The following CDK8 variants were observed in gnomAD, a reference collection of about 807,000 sequenced individuals.
CDK8 encodes the protein cyclin dependent kinase 8, also known as cyclin-dependent kinase 8.
Under a neutral mutation model 71.5 loss-of-function variants are expected in CDK8, and 29 were observed. The observed-to-expected ratio is 0.41, with a 90% CI of 0.30 to 0.55. The LOEUF (loss-of-function observed/expected upper bound fraction) is 0.55. Among genes scored for constraint, CDK8 ranks in the 20% least tolerant of loss-of-function variants. The probability of loss-of-function intolerance (pLI) is 0.37; values close to 1 mark genes in which losing one functional copy is unlikely to be tolerated. For missense variants in CDK8, 288 were observed against 572.6 expected (o/e 0.50, Z 5.07); for synonymous variants, 161 against 192.1 (o/e 0.84, Z 1.34).
chr13:26,281,634 CAAG>C (rs10549437), intron 1 of CDK8, among the ~76,000 whole-genome samples: 16,000 of 130,042 alleles, frequency 0.12, 2,475 homozygotes, highest in African/African-American at 0.4. Context: ...GGGTCCAAAT[CAAG>C]AAGAAGTCTC....
intron 8 of CDK8, among the ~76,000 whole-genome samples, chr13:26,396,804 C>T (rs1876016398): frequency 6.6e-6 from 1 of 151,816 alleles, no homozygotes; most frequent in Admixed American, 6.6e-5. Flanking sequence ...GTTTGTATAC[C>T]TATGACAAAA....
chr13:26,324,120 T>C (rs1455723876), intron 1 of CDK8, among the ~76,000 whole-genome samples: 1 of 152,154 alleles, frequency 6.6e-6, no homozygotes, highest in Non-Finnish European at 1.5e-5. Flanking sequence ...TGATACAGAG[T>C]GCAAGAGTGA....
At chr13:26,370,656 G>A (rs1411011530) in intron 4 of CDK8, among the ~76,000 whole-genome samples, 3 of 152,124 alleles carry the variant, frequency 2.0e-5, no homozygotes, top group Non-Finnish European at 4.4e-5. Flanking sequence ...GATTAAAACA[G>A]GACAAATGCA....
chr13:26,371,921 A>C (rs1970931), intron 4 of CDK8, among the ~76,000 whole-genome samples: 144,027 of 152,190 alleles, frequency 0.95, 68,195 homozygotes, highest in East Asian at 1. Flanking sequence ...CCTGGCCATA[A>C]CTTGACATTT....
At chr13:26,280,213 A>G (rs1872688659) in intron 1 of CDK8, among the ~76,000 whole-genome samples, 1 of 152,270 alleles carries the variant, frequency 6.6e-6, no homozygotes, top group Non-Finnish European at 1.5e-5. Context: ...GGGCTATTTT[A>G]TAAATGGTGG....
chr13:26,369,012 G>T (rs767504073), intron 4 of CDK8, among the ~76,000 whole-genome samples: 1 of 151,904 alleles, frequency 6.6e-6, no homozygotes, highest in Non-Finnish European at 1.5e-5. Context: ...AGTAAGTTTG[G>T]TCAGTAATCT....
In CDK8 at chr13:26,405,058, C is replaced by A. The variant is rs1566002949; in HGVS notation, c.*977C>A. On this transcript the variant is annotated 3_prime_UTR_variant, in exon 13 of 13. Coordinates refer to ENST00000381527, the MANE Select transcript of CDK8 (RefSeq NM_001260.3). ...TCGCACGTTGTTTAGGGTGCCCTTA[C>A]TTCAGCAAAGGAGAAGGAGTAGGAG... The A allele has an allele frequency of 5.4e-6, 1 of 183,564 alleles. No homozygotes were observed. Among genetic ancestry groups the A allele is most frequent in the Non-Finnish European group, 1.2e-5 (1 of 86,524 alleles). 11.4% of individuals were successfully genotyped at this position (183,564 alleles called of 1,614,324 possible).
At chr13:26,283,021 T>C (rs1174915459) in intron 1 of CDK8, among the ~76,000 whole-genome samples, 1 of 152,192 alleles carries the variant, frequency 6.6e-6, no homozygotes, top group Non-Finnish European at 1.5e-5. Context: ...GTCCTAAATA[T>C]ATATGGACCT....
At chr13:26,394,789 A>G (rs558550742) in intron 7 of CDK8, among the ~76,000 whole-genome samples, 2 of 152,340 alleles carry the variant, frequency 1.3e-5, no homozygotes, top group African/African-American at 4.8e-5. Context: ...ATGAGAATCC[A>G]TCAGTTCTTG....
intron 1 of CDK8, among the ~76,000 whole-genome samples, chr13:26,325,496 C>T (rs9578996): frequency 6.6e-6 from 1 of 152,072 alleles, no homozygotes; most frequent in Admixed American, 6.5e-5. Context: ...AACTTATTAG[C>T]CTGCTCTAGC....
At chr13:26,314,321 A>T (rs147816287) in intron 1 of CDK8, among the ~76,000 whole-genome samples, 176 of 152,352 alleles carry the variant, frequency 1.2e-3, no homozygotes, top group African/African-American at 4.0e-3. Context: ...GTTACTAAGA[A>T]CATTTCTAAG....
rs115271175 is a variant in CDK8 at position 26,385,780 on chromosome 13, C to T, written c.646+438C>T. Among the ~76,000 whole-genome samples the T allele has an allele frequency of 6.6e-3, 1,002 of 152,148 alleles. 10 individuals carry two copies. Among genetic ancestry groups the T allele is most frequent in the African/African-American group, 0.021 (868 of 41,506 alleles). On this transcript the variant is annotated intron_variant, in intron 6 of 12. Transcript: ENST00000381527. ...AAATAAAAGTAAGAGCAAGGCCTAA[C>T]CCAACATTCTACTACCTAGAAATAC...
At position 26,254,791 on chromosome 13, in the gene CDK8, G is replaced by A. The variant is rs1871442551; in HGVS notation, c.128+22G>A. 1.9e-6 allele frequency: 3 copies of A among 1,608,028 alleles called. No individual in the cohort carries two copies. The highest frequency in any genetic ancestry group is 2.5e-6 in the Non-Finnish European group (3 of 1,176,672). ...ATGGGTGAGTGTGTGTGTCTGGGCC[G>A]GTGTCCGCGCTGGGCGGCGCTCCCG... On this transcript the variant is annotated intron_variant, in intron 1 of 12. Coordinates refer to ENST00000381527, the MANE Select transcript of CDK8 (RefSeq NM_001260.3). The surrounding 1 kb of genome is among the most constrained non-coding windows in gnomAD (Gnocchi z 6.7).
intron 4 of CDK8, among the ~76,000 whole-genome samples, chr13:26,364,975 G>A (rs1460087928): frequency 6.6e-6 from 1 of 152,086 alleles, no homozygotes; most frequent in Non-Finnish European, 1.5e-5. Flanking sequence ...TCCTTGAAAT[G>A]AGAGTTGGGA....
chr13:26,254,830 G>C lies in CDK8; in HGVS notation c.128+61G>C. ...GCGGCGCTCCCGCAGGCCGAGGCAG[G>C]TAGCCCGGAGGGAGAGCGGGCCGCC... On this transcript the variant is annotated intron_variant, in intron 1 of 12. Transcript: ENST00000381527. The surrounding 1 kb of genome is among the most constrained non-coding windows in gnomAD (Gnocchi z 6.7). 6.3e-7 allele frequency: 1 copy of C among 1,586,234 alleles called. No homozygotes were observed. Among genetic ancestry groups the C allele is most frequent in the East Asian group, 2.3e-5 (1 of 43,654 alleles).
intron 1 of CDK8, among the ~76,000 whole-genome samples, chr13:26,288,477 TAATA>T (rs1282339937): frequency 1.3e-5 from 2 of 152,120 alleles, no homozygotes; most frequent in African/African-American, 4.8e-5. Context: ...TTCTAATTCA[TAATA>T]AATATAATAG....
At chr13:26,311,143 T>G (rs1874267886) in intron 1 of CDK8, among the ~76,000 whole-genome samples, 1 of 151,934 alleles carries the variant, frequency 6.6e-6, no homozygotes, top group Non-Finnish European at 1.5e-5. Context: ...GCATTAAAAA[T>G]GTTTGAATAA....
At chr13:26,308,896 A>G (rs1158912470) in intron 1 of CDK8, among the ~76,000 whole-genome samples, 1 of 152,186 alleles carries the variant, frequency 6.6e-6, no homozygotes, top group Non-Finnish European at 1.5e-5. Flanking sequence ...ATGGCTACAA[A>G]TTCAGGTTCT....
chr13:26,309,015 A>G (rs1422625631), intron 1 of CDK8, among the ~76,000 whole-genome samples: 2 of 152,230 alleles, frequency 1.3e-5, no homozygotes, highest in Non-Finnish European at 2.9e-5. Flanking sequence ...GCTTTCTTAT[A>G]GGATTGTTAT....
Sources: gnomAD v4.1 joint callset for allele counts (sites outside exome capture counted in the v4.1 genomes callset) on GRCh38, gnomAD v4.1.1 for gene constraint, Gnocchi (gnomAD v3.1) non-coding constraint, MANE v1.5 for transcripts, NCBI Gene and HGNC (gene_info 2026-07-23, HGNC 2026-07-21) for gene names.